ALPL: variants seen among roughly 807,000 people sequenced by gnomAD.
The protein encoded by ALPL is alkaline phosphatase, biomineralization associated.
Under a neutral mutation model 51.3 loss-of-function variants are expected in ALPL, and 42 were observed. The observed-to-expected ratio is 0.82, with a 90% CI of 0.64 to 1.06. The LOEUF is 1.06. Among genes scored for constraint, ALPL ranks in the 50% least tolerant of loss-of-function variants. The probability of loss-of-function intolerance (pLI) is 0.00; values close to 1 mark genes in which losing one functional copy is unlikely to be tolerated. For missense variants in ALPL, 589 were observed against 709.4 expected, an observed-to-expected ratio of 0.83 and a Z score of 1.93; for synonymous variants, 279 against 296.4, an observed-to-expected ratio of 0.94 and a Z score of 0.60.
intron 8 of ALPL, among the ~76,000 whole-genome samples, 199 bp from the exon 9 acceptor site, chr1:21,573,459 GAAAAAGA>G (rs745378944): frequency 6.9e-6 from 1 of 145,708 alleles, no homozygotes; most frequent in South Asian, 2.2e-4. Context: ...GAAAAGAAAA[GAAAAAGA>G]AAAAAGAAAA....
chr1:21,519,653 T>G (rs1260139247), intron 1 of ALPL, among the ~76,000 whole-genome samples: 1 of 152,108 alleles, frequency 6.6e-6, no homozygotes, highest in Non-Finnish European at 1.5e-5. Context: ...AAAAACTAGC[T>G]GGGCGTGGTG....
Position 21,554,103 on chromosome 1 carries a change from C to G in ALPL, c.22C>G (p.Leu8Val), listed in dbSNP as rs774559268. ...CACCATGATTTCACCATTCTTAGTA[C>G]TGGCCATTGGCACCTGCCTTACTAA... MISPFLV[L>V]AIGTCLTNSL... The change falls in exon 2 of 12, where the codon CTG becomes GTG. Residue 8 changes from leucine (L) to valine (V), a missense_variant. By Grantham distance (32) the Leu-to-Val change is conservative. Coordinates refer to ENST00000374840, the MANE Select transcript of ALPL (RefSeq NM_000478.6). The G allele has an allele frequency of 9.7e-6, 15 of 1,552,428 alleles. No individual in the cohort carries two copies. Among genetic ancestry groups the G allele is most frequent in the Admixed American group, 3.5e-5 (2 of 57,614 alleles).
intron 1 of ALPL, among the ~76,000 whole-genome samples, chr1:21,520,216 C>A (rs762071620): frequency 6.6e-6 from 1 of 152,098 alleles, no homozygotes; most frequent in Non-Finnish European, 1.5e-5. Flanking sequence ...CCTTGACTTC[C>A]TGGGCTCAAG....
rs558550584 is a variant in ALPL at position 21,514,385 on chromosome 1, C to G, written c.-105+4868C>G. Among the ~76,000 whole-genome samples, 7 of 152,362 alleles carry G rather than the reference C, an allele frequency of 4.6e-5. No homozygotes were observed. The East Asian group carries it at 1.4e-3, about 29-fold the overall frequency. Reference sequence around the variant, plus strand: ...CATTGGTGCGCCACTTCACCCTGTGCTCCCTAACAGCCCTGTGCATCAGTG... The same window carrying G: ...CATTGGTGCGCCACTTCACCCTGTGGTCCCTAACAGCCCTGTGCATCAGTG... On this transcript the variant is annotated intron_variant, in intron 1 of 11. Transcript: ENST00000374840.
At chr1:21,532,365 T>G (rs1232958073) in intron 1 of ALPL, among the ~76,000 whole-genome samples, 1 of 152,050 alleles carries the variant, frequency 6.6e-6, no homozygotes, top group Non-Finnish European at 1.5e-5. Flanking sequence ...CTAATTTTTG[T>G]ATTTTTGTAG....
At chr1:21,522,932 C>G (rs549497581) in intron 1 of ALPL, among the ~76,000 whole-genome samples, 15 of 152,214 alleles carry the variant, frequency 9.9e-5, no homozygotes, top group African/African-American at 2.9e-4. Context: ...CATATCAGCC[C>G]TAGGAGGTAG....
chr1:21,526,833 ATC>A (rs1490750690), intron 1 of ALPL, among the ~76,000 whole-genome samples: 6 of 152,192 alleles, frequency 3.9e-5, no homozygotes, highest in Non-Finnish European at 5.9e-5. Flanking sequence ...TTAAAAAATT[ATC>A]TGTGGCTTTT....
At chr1:21,560,579 G>C in intron 2 of ALPL, 47 bp from the exon 3 acceptor site, 1 of 1,610,104 alleles carries the variant, frequency 6.2e-7, no homozygotes, top group South Asian at 1.1e-5. Flanking sequence ...TCTGGAGATA[G>C]GAGGCTATCC....
chr1:21,515,161 C>G (rs188936339), intron 1 of ALPL, among the ~76,000 whole-genome samples: 161 of 152,276 alleles, frequency 1.1e-3, no homozygotes, highest in African/African-American at 3.7e-3. Flanking sequence ...CTGGGCAGAG[C>G]TCAGCAAATA....
chr1:21,563,308 G>T (rs1323474661), intron 5 of ALPL, 24 bp downstream of exon 5: 2 of 1,600,298 alleles, frequency 1.2e-6, no homozygotes, highest in East Asian at 2.2e-5. Context: ...GCAGTGGGGA[G>T]CAGGGCCAGC....
Position 21,515,859 on chromosome 1 carries a change from T to G in ALPL, c.-105+6342T>G, listed in dbSNP as rs573120075. ...TGTTTTTTTGTTTGTTTGTCTGTTT[T>G]GTTTGTTTGTTTTGTTGTTGTTGTT... On this transcript the variant is annotated intron_variant, in intron 1 of 11. Transcript: ENST00000374840. Among the ~76,000 whole-genome samples, 50 of 79,498 alleles carry G rather than the reference T, an allele frequency of 6.3e-4. 1 individual carries two copies. The South Asian group carries it at 0.027, about 43-fold the overall frequency. The allele number at this position is 79,498 out of a possible 152,430, so 52.2% of individuals were successfully genotyped here.
At chr1:21,543,681 A>T (rs936432512) in intron 1 of ALPL, among the ~76,000 whole-genome samples, 4 of 152,210 alleles carry the variant, frequency 2.6e-5, no homozygotes, top group African/African-American at 9.7e-5. Context: ...CTTGGGAATA[A>T]GACTTTTTCC....
intron 1 of ALPL, among the ~76,000 whole-genome samples, chr1:21,514,053 G>T (rs1230439347): frequency 6.6e-6 from 1 of 152,196 alleles, no homozygotes; most frequent in Non-Finnish European, 1.5e-5. Flanking sequence ...CCCTCAGGGG[G>T]CTCAGGGTGA....
intron 1 of ALPL, among the ~76,000 whole-genome samples, chr1:21,518,984 G>C (rs1643851564): frequency 6.6e-6 from 1 of 152,212 alleles, no homozygotes; most frequent in South Asian, 2.1e-4. Context: ...TCTGACTAGA[G>C]AGCCTGTCCT....
chr1:21,554,856 T>C (rs1330840395), intron 2 of ALPL, among the ~76,000 whole-genome samples: 1 of 135,896 alleles, frequency 7.4e-6, no homozygotes, highest in Non-Finnish European at 1.6e-5. Context: ...TTTCTTTCTT[T>C]CTTTCTTTCT....
At chr1:21,526,999 G>T (rs1234535526) in intron 1 of ALPL, among the ~76,000 whole-genome samples, 2 of 117,184 alleles carry the variant, frequency 1.7e-5, no homozygotes, top group African/African-American at 3.1e-5. Context: ...CTGAGTTACA[G>T]ATCTATGTTA....
At chr1:21,541,757 G>A (rs1291462239) in intron 1 of ALPL, among the ~76,000 whole-genome samples, 2 of 152,220 alleles carry the variant, frequency 1.3e-5, no homozygotes, top group African/African-American at 2.4e-5. Context: ...TGGACAGCAT[G>A]GGACATTCTA....
rs1644724867 is a variant in ALPL at position 21,575,937 on chromosome 1, T to TC, written c.1189+14dup. ...AACTCTATCTTTGGTAGGTGGGCCTTCTTTGGGGTGGACACTCCTGGGGTC... is the reference window on the plus strand; with the variant it reads ...AACTCTATCTTTGGTAGGTGGGCCTTCCTTTGGGGTGGACACTCCTGGGGTC... On this transcript the variant is annotated intron_variant, in intron 10 of 11. Transcript: ENST00000374840. 4 of 1,614,122 alleles carry TC rather than the reference T, an allele frequency of 2.5e-6. No individual in the cohort carries two copies. The African/African-American group carries it at 4.0e-5, about 16-fold the overall frequency.
intron 4 of ALPL, 79 bp from the exon 5 acceptor site, chr1:21,563,031 C>T (rs1644506163): frequency 1.3e-6 from 2 of 1,570,054 alleles, no homozygotes; most frequent in East Asian, 2.2e-5. Flanking sequence ...CCCCAGTCCC[C>T]ATGGTGTGAG....
Sources: gnomAD v4.1 joint callset for allele counts (sites outside exome capture counted in the v4.1 genomes callset) on GRCh38, gnomAD v4.1.1 for gene constraint, MANE v1.5 for transcripts, NCBI Gene and HGNC (gene_info 2026-07-23, HGNC 2026-07-21) for gene names.